Variants in TRERF1 observed in about 807,000 individuals in gnomAD.
TRERF1 encodes transcriptional-regulating factor 1.
TRERF1 carries 27 observed loss-of-function variants against 122.9 expected under a neutral mutation model. The observed-to-expected ratio is 0.22, with a 90% CI of 0.16 to 0.30. The LOEUF is 0.30. Among genes scored for constraint, TRERF1 ranks in the 10% least tolerant of loss-of-function variants. The probability of loss-of-function intolerance (pLI) is 1.00; values close to 1 mark genes in which losing one functional copy is unlikely to be tolerated. For synonymous variants in TRERF1, 636 were observed against 641.7 expected (o/e 0.99, Z 0.13); for missense variants, 1,248 against 1,560.3 (o/e 0.80, Z 3.37).
intron 3 of TRERF1, among the ~76,000 whole-genome samples, chr6:42,344,638 C>T (rs1373353883): frequency 6.6e-6 from 1 of 152,154 alleles, no homozygotes; most frequent in Admixed American, 6.5e-5. Context: ...GCTACTAAGA[C>T]TCTGCTAGGA....
intron 4 of TRERF1, among the ~76,000 whole-genome samples, chr6:42,281,860 A>G (rs1782361102): frequency 6.6e-6 from 1 of 152,216 alleles, no homozygotes; most frequent in Non-Finnish European, 1.5e-5. Flanking sequence ...AGTCCCTCAG[A>G]AGCCCCTCCC....
intron 2 of TRERF1, among the ~76,000 whole-genome samples, chr6:42,424,735 T>A (rs1490730915): frequency 6.6e-6 from 1 of 152,198 alleles, no homozygotes; most frequent in Non-Finnish European, 1.5e-5. Context: ...AAATGGAATC[T>A]CATTGTGATT....
At chr6:42,424,793 G>C (rs1044302536) in intron 2 of TRERF1, among the ~76,000 whole-genome samples, 1 of 152,312 alleles carries the variant, frequency 6.6e-6, no homozygotes, top group Middle Eastern at 3.4e-3. Context: ...CATAAAAAGA[G>C]ATCCTCTCCC....
At chr6:42,314,597 A>G (rs1296244828) in intron 3 of TRERF1, among the ~76,000 whole-genome samples, 1 of 152,226 alleles carries the variant, frequency 6.6e-6, no homozygotes, top group East Asian at 1.9e-4. Context: ...GAAAATAAAA[A>G]TTATTATAAT....
intron 8 of TRERF1, among the ~76,000 whole-genome samples, chr6:42,261,091 C>T: frequency 6.6e-6 from 1 of 152,100 alleles, no homozygotes; most frequent in East Asian, 1.9e-4. Flanking sequence ...CGCTCAACCG[C>T]CTCTTTTCTC....
intron 2 of TRERF1, among the ~76,000 whole-genome samples, chr6:42,421,155 C>T (rs1455929006): frequency 2.0e-5 from 3 of 152,116 alleles, no homozygotes; most frequent in Admixed American, 6.5e-5. Flanking sequence ...CTCATTGGGT[C>T]GTTGTGAGAT....
At chr6:42,288,953 CTGTGTGTGTGTGTG>C (rs3074800) in intron 4 of TRERF1, among the ~76,000 whole-genome samples, 51 of 144,418 alleles carry the variant, frequency 3.5e-4, no homozygotes, top group South Asian at 2.7e-3. Flanking sequence ...ATCTTGAACT[CTGTGTGTGTGTGTG>C]TGTGTGTGTG....
chr6:42,434,613 G>A (rs561711061), intron 2 of TRERF1, among the ~76,000 whole-genome samples: 27 of 148,296 alleles, frequency 1.8e-4, no homozygotes, highest in African/African-American at 6.2e-4. Context: ...TGAATAAAAC[G>A]CATTTTCCGA....
At chr6:42,396,015 T>C (rs183915767) in intron 2 of TRERF1, among the ~76,000 whole-genome samples, 1 of 152,126 alleles carries the variant, frequency 6.6e-6, no homozygotes, top group African/African-American at 2.4e-5. Flanking sequence ...TGCACACGTG[T>C]ATGTGTGCAC....
intron 3 of TRERF1, among the ~76,000 whole-genome samples, chr6:42,304,505 T>TATCCACAAGA (rs1480982687): frequency 6.6e-6 from 1 of 152,182 alleles, no homozygotes; most frequent in Non-Finnish European, 1.5e-5. Context: ...TCTATGTGAA[T>TATCCACAAGA]ATCCACAAGA....
rs150908395 is a variant in TRERF1, at chr6:42,228,534, G to A, written c.3414C>T (p.Pro1138=). ...GGGGCAGCAGCCCCGGCGCCCCCAC[G>A]GGCCCCGTAGTCCTCTCAATCGTGG... Residue 1138 remains proline (P), a synonymous_variant, in exon 18 of 18, where the codon CCC becomes CCT. Coordinates refer to ENST00000372922, the Ensembl canonical transcript of TRERF1. This position sits in a 1 kb window ranked among gnomAD's most constrained non-coding sequence, Gnocchi z 4.2. 260 of 1,614,016 alleles carry A rather than the reference G, an allele frequency of 1.6e-4. 1 individual carries two copies. Among genetic ancestry groups the A allele is most frequent in the Non-Finnish European group, 2.2e-4 (256 of 1,180,030 alleles).
At position 42,259,622 on chromosome 6, in the gene TRERF1, G is replaced by T. The variant is rs760847202; in HGVS notation, c.1986C>A (p.Phe662Leu). Residue 662 changes from phenylalanine (F) to leucine (L), a missense_variant, in exon 9 of 18, where the codon TTC (phenylalanine) becomes TTA (leucine). Physicochemically the swap from Phe to Leu is conservative, Grantham distance 22. This residue lies in a region of TRERF1 where 946 missense variants were observed against 1,073.0 expected (regional missense o/e 0.88). Transcript: ENST00000372922. This position sits in a 1 kb window ranked among gnomAD's most constrained non-coding sequence, Gnocchi z 4.9. ...GGTTGTAGGAGGGCGGCGGCGGGAT[G>T]AAGAGAGGTTCCGGCCGGTGCCGGA... 3.1e-6 allele frequency: 5 copies of T among 1,613,650 alleles called. No homozygotes were observed. Among genetic ancestry groups the T allele is most frequent in the Non-Finnish European group, 4.2e-6 (5 of 1,180,002 alleles).
At chr6:42,307,539 G>A (rs1197332848) in intron 3 of TRERF1, among the ~76,000 whole-genome samples, 3 of 152,138 alleles carry the variant, frequency 2.0e-5, no homozygotes, top group Non-Finnish European at 4.4e-5. Context: ...GCCAGCCTCA[G>A]ATGGACAAGT....
At chr6:42,377,627 T>A (rs1043844317) in intron 2 of TRERF1, among the ~76,000 whole-genome samples, 3 of 152,214 alleles carry the variant, frequency 2.0e-5, no homozygotes, top group African/African-American at 7.2e-5. Flanking sequence ...TTGGGCAGTA[T>A]GAACATTTAT....
intron 2 of TRERF1, among the ~76,000 whole-genome samples, chr6:42,377,855 A>T (rs945608332): frequency 6.6e-6 from 1 of 152,168 alleles, no homozygotes; most frequent in Non-Finnish European, 1.5e-5. Flanking sequence ...GTAACCTAAG[A>T]TGGAAGTGGC....
intron 3 of TRERF1, among the ~76,000 whole-genome samples, chr6:42,359,531 C>T (rs1342106041): frequency 6.6e-6 from 1 of 152,182 alleles, no homozygotes; most frequent in African/African-American, 2.4e-5. Flanking sequence ...TGAGACCATC[C>T]TGGCCAACAT....
chr6:42,273,434 A>G (rs968733749), intron 4 of TRERF1, among the ~76,000 whole-genome samples: 1 of 152,186 alleles, frequency 6.6e-6, no homozygotes, highest in African/African-American at 2.4e-5. Flanking sequence ...TATCCCAGTG[A>G]GTTTAGACAG....
intron 2 of TRERF1, among the ~76,000 whole-genome samples, chr6:42,412,969 T>C (rs1278116471): frequency 2.0e-5 from 3 of 151,746 alleles, no homozygotes; most frequent in African/African-American, 7.3e-5. Flanking sequence ...CAAAAATAAA[T>C]AAAAAGAAAA....
At chr6:42,380,229 G>A (rs551601984) in intron 2 of TRERF1, among the ~76,000 whole-genome samples, 1 of 152,062 alleles carries the variant, frequency 6.6e-6, no homozygotes, top group African/African-American at 2.4e-5. Flanking sequence ...AGGGGTGGGT[G>A]GGGGTGGTGG....
Sources: gnomAD v4.1 joint callset for allele counts (sites outside exome capture counted in the v4.1 genomes callset) on GRCh38, gnomAD v4.1.1 for gene constraint, gnomAD v4.1.1 regional missense constraint, Gnocchi (gnomAD v3.1) non-coding constraint, MANE v1.5 for transcripts, NCBI Gene and HGNC (gene_info 2026-07-23, HGNC 2026-07-21) for gene names.